Variants in CARHSP1 observed in about 807,000 individuals in gnomAD.
CARHSP1 encodes the protein calcium-regulated heat-stable protein 1.
In CARHSP1, 14 loss-of-function variants were observed where a neutral mutation model predicts 12.5. That is an observed-to-expected ratio of 1.12 (90% CI 0.74 to 1.75). The LOEUF is 1.75. Among genes scored for constraint, CARHSP1 ranks in the 40% most tolerant of loss-of-function variants. CARHSP1 has a pLI of 0.00. For missense variants in CARHSP1, 343 were observed against 201.6 expected (o/e 1.70, Z -4.25); for synonymous variants, 161 against 82.0 (o/e 1.96, Z -5.20).
chr16:8,856,049 G>T (rs1476310847), intron 3 of CARHSP1, among the ~76,000 whole-genome samples: 1 of 152,126 alleles, frequency 6.6e-6, no homozygotes, highest in Non-Finnish European at 1.5e-5. Context: ...CCTTAAGTGA[G>T]CCACCTGCCT....
intron 1 of CARHSP1, chr16:8,860,533 T>G: frequency 1.0e-6 from 1 of 985,368 alleles, no homozygotes; most frequent in Non-Finnish European, 1.2e-6. Flanking sequence ...TCAGAGGCCC[T>G]TGGGTAAGTC....
intron 1 of CARHSP1, among the ~76,000 whole-genome samples, chr16:8,862,320 T>C (rs1313857066): frequency 6.6e-6 from 1 of 151,928 alleles, no homozygotes; most frequent in Admixed American, 6.6e-5. Context: ...GAAAACAAAA[T>C]AATACACACT....
chr16:8,864,687 C>A (rs1204496272), intron 1 of CARHSP1, among the ~76,000 whole-genome samples: 2 of 152,316 alleles, frequency 1.3e-5, no homozygotes, highest in Non-Finnish European at 2.9e-5. Flanking sequence ...CCCAGTCAGC[C>A]CCCAGGCTCT....
At chr16:8,857,298 T>C (rs1202024804) in intron 3 of CARHSP1, among the ~76,000 whole-genome samples, 55 of 92,622 alleles carry the variant, frequency 5.9e-4, no homozygotes, top group African/African-American at 1.8e-3. Flanking sequence ...TTTTTTTTTT[T>C]TGAGATGGAG....
chr16:8,860,363 G>C (rs1487954647), intron 1 of CARHSP1: 2 of 985,346 alleles, frequency 2.0e-6, no homozygotes, highest in Non-Finnish European at 2.4e-6. Context: ...GGTAAATCCA[G>C]CTGGAGGGCG....
chr16:8,859,110 A>G (rs920069755), intron 2 of CARHSP1, 61 bp downstream of exon 2: 1 of 1,456,392 alleles, frequency 6.9e-7, no homozygotes, highest in African/African-American at 1.4e-5. Flanking sequence ...GACACAGTGA[A>G]TCTCTGGCCT....
chr16:8,858,212 A>T, intron 3 of CARHSP1, 138 bp downstream of exon 3: 1 of 1,023,464 alleles, frequency 9.8e-7, no homozygotes, highest in Middle Eastern at 3.2e-4. Flanking sequence ...CTGGAGCACC[A>T]GCCACAGGCA....
chr16:8,858,624 C>T, intron 2 of CARHSP1, 152 bp from the exon 3 acceptor site: 2 of 908,694 alleles, frequency 2.2e-6, no homozygotes, highest in Non-Finnish European at 3.2e-6. Flanking sequence ...ACCCTCAACC[C>T]TGGGAGCCGC....
chr16:8,861,762 G>T, intron 1 of CARHSP1: 4 of 1,281,986 alleles, frequency 3.1e-6, no homozygotes, highest in South Asian at 2.5e-5. Flanking sequence ...TGGCCTGGGG[G>T]CCAGGGCCCC....
intron 1 of CARHSP1, among the ~76,000 whole-genome samples, chr16:8,863,506 G>A (rs1292022924): frequency 6.6e-6 from 1 of 152,222 alleles, no homozygotes; most frequent in African/African-American, 2.4e-5. Flanking sequence ...AGCCCAGCAG[G>A]AGGTGGCTAC....
Position 8,855,000 on chromosome 16 carries a change from A to G in CARHSP1, c.*164T>C, listed in dbSNP as rs965798925. The G allele has an allele frequency of 4.4e-6, 2 of 458,580 alleles. No individual in the cohort carries two copies. The highest frequency in any genetic ancestry group is 2.0e-5 in the African/African-American group (1 of 49,254). 28.4% of individuals were successfully genotyped at this position (458,580 alleles called of 1,614,324 possible). A position where few individuals can be genotyped will look rare whatever the true frequency, so the allele number is the denominator to read the frequency against. On this transcript the variant is annotated 3_prime_UTR_variant, in exon 4 of 4. Transcript: ENST00000311052. ...GTGCTGATGGCCGGGAACACCCCACACCCCACACCTGCCCCCCATACCCCT... is the reference window on the plus strand; with the variant it reads ...GTGCTGATGGCCGGGAACACCCCACGCCCCACACCTGCCCCCCATACCCCT...
At chr16:8,866,592 G>C (rs117700984) in intron 1 of CARHSP1, 6 of 299,770 alleles carry the variant, frequency 2.0e-5, no homozygotes, top group African/African-American at 1.4e-4. Context: ...GATAGAGGCC[G>C]AGAACGAGCC....
intron 1 of CARHSP1, among the ~76,000 whole-genome samples, chr16:8,864,954 A>G (rs254949): frequency 0.19 from 28,505 of 151,924 alleles, 3,460 homozygotes; most frequent in African/African-American, 0.32. Context: ...TGCAGCCCCC[A>G]TTACCCACTC....
intron 3 of CARHSP1, among the ~76,000 whole-genome samples, chr16:8,856,266 C>T (rs916884161): frequency 6.6e-6 from 1 of 152,012 alleles, no homozygotes; most frequent in Non-Finnish European, 1.5e-5. Flanking sequence ...TTGATGAAAC[C>T]CCCCCAGAGG....
chr16:8,861,289 G>A (rs1482965360), intron 1 of CARHSP1, among the ~76,000 whole-genome samples: 1 of 144,174 alleles, frequency 6.9e-6, no homozygotes, highest in Non-Finnish European at 1.5e-5. Flanking sequence ...AAAGTGCTAG[G>A]ATTACAGGCA....
intron 1 of CARHSP1, among the ~76,000 whole-genome samples, chr16:8,865,700 C>A (rs966319212): frequency 6.6e-6 from 1 of 152,218 alleles, no homozygotes. Context: ...CTTTCATACA[C>A]CCTACAGCCA....
At chr16:8,857,187 T>G (rs2061145289) in intron 3 of CARHSP1, among the ~76,000 whole-genome samples, 1 of 148,360 alleles carries the variant, frequency 6.7e-6, no homozygotes, top group Non-Finnish European at 1.5e-5. Context: ...GACACCACCC[T>G]GTCTCCCACA....
At chr16:8,858,247 T>C (rs1355066798) in intron 3 of CARHSP1, 103 bp downstream of exon 3, 4 of 1,361,708 alleles carry the variant, frequency 2.9e-6, no homozygotes, top group Non-Finnish European at 4.0e-6. Context: ...CAGCCATTCG[T>C]CCTCACACCC....
intron 1 of CARHSP1, among the ~76,000 whole-genome samples, chr16:8,865,414 A>T (rs1193227390): frequency 6.6e-6 from 1 of 152,176 alleles, no homozygotes; most frequent in Non-Finnish European, 1.5e-5. Flanking sequence ...CCAGCCAGAG[A>T]TTCCATTCTT....
Sources: allele counts gnomAD v4.1 joint callset (sites outside exome capture counted in the v4.1 genomes callset), GRCh38; gene constraint gnomAD v4.1.1; transcripts MANE v1.5; gene names NCBI Gene and HGNC (gene_info 2026-07-23, HGNC 2026-07-21).